Variants in DCC observed in about 807,000 individuals in gnomAD.
DCC encodes netrin receptor DCC.
A neutral mutation model predicts 172.5 loss-of-function variants in DCC; 58 were observed. The ratio of observed to expected loss-of-function variants is 0.34; its 90% CI spans 0.27 to 0.42. The LOEUF (loss-of-function observed/expected upper bound fraction) is 0.42, where lower values mean the gene tolerates loss of function less well. Ranked by LOEUF, DCC falls within the 10% of genes least tolerant of loss-of-function variation. The probability of loss-of-function intolerance (pLI) is 1.00; values close to 1 mark genes in which losing one functional copy is unlikely to be tolerated. For missense variants in DCC, 1,740 were observed against 1,791.0 expected, an observed-to-expected ratio of 0.97 and a Z score of 0.51; for synonymous variants, 709 against 644.5, an observed-to-expected ratio of 1.10 and a Z score of -1.52.
chr18:52,841,537 G>A (rs116751102), intron 2 of DCC, among the ~76,000 whole-genome samples: 2 of 152,160 alleles, frequency 1.3e-5, no homozygotes, highest in African/African-American at 4.8e-5. Flanking sequence ...ATTGCCATCT[G>A]CTGAGAAGTG....
At chr18:52,525,737 G>A (rs1471966029) in intron 1 of DCC, among the ~76,000 whole-genome samples, 1 of 152,142 alleles carries the variant, frequency 6.6e-6, no homozygotes, top group Non-Finnish European at 1.5e-5. Flanking sequence ...GATAGTTATT[G>A]TCATAGACAG....
At chr18:52,345,919 C>G (rs754594427) in intron 1 of DCC, among the ~76,000 whole-genome samples, 15 of 152,122 alleles carry the variant, frequency 9.9e-5, no homozygotes, top group Non-Finnish European at 2.1e-4. Flanking sequence ...GGAGTGAGCT[C>G]TATAAGATAA....
intron 5 of DCC, among the ~76,000 whole-genome samples, chr18:53,009,818 C>T (rs62097940): frequency 2.0e-5 from 3 of 151,770 alleles, no homozygotes; most frequent in South Asian, 4.1e-4. Context: ...ATATGCTTCC[C>T]CTGCAGGCTA....
At chr18:53,003,789 A>G (rs1331313443) in intron 5 of DCC, among the ~76,000 whole-genome samples, 2 of 152,140 alleles carry the variant, frequency 1.3e-5, no homozygotes, top group Non-Finnish European at 2.9e-5. Context: ...GACATACCAT[A>G]CACAGAGACG....
chr18:53,084,612 C>T (rs913680584), intron 7 of DCC, among the ~76,000 whole-genome samples: 12 of 152,130 alleles, frequency 7.9e-5, no homozygotes, highest in African/African-American at 2.9e-4. Context: ...GCTTTGAAGA[C>T]AGAGCAAGGG....
chr18:53,492,318 C>T (rs1374104003), intron 26 of DCC, among the ~76,000 whole-genome samples: 1 of 152,060 alleles, frequency 6.6e-6, no homozygotes, highest in African/African-American at 2.4e-5. Flanking sequence ...AATTAGATCC[C>T]TTTTGTCAGT....
At chr18:52,770,632 G>C (rs2037325677) in intron 2 of DCC, among the ~76,000 whole-genome samples, 1 of 152,142 alleles carries the variant, frequency 6.6e-6, no homozygotes, top group African/African-American at 2.4e-5. Flanking sequence ...GGAATCATCA[G>C]AACTGCAGAG....
intron 20 of DCC, among the ~76,000 whole-genome samples, chr18:53,411,299 A>AAATAATTTGAAACATTCAAATGATTAC (rs1909975353): frequency 6.6e-6 from 1 of 152,156 alleles, no homozygotes; most frequent in Non-Finnish European, 1.5e-5. Context: ...TAACAATTGA[A>AAATAATTTGAAACATTCAAATGATTAC]AATAATTTGA....
intron 2 of DCC, among the ~76,000 whole-genome samples, chr18:52,845,398 G>T (rs1345055738): frequency 4.6e-5 from 7 of 152,186 alleles, no homozygotes; most frequent in Admixed American, 4.6e-4. Context: ...CTCGATCAAA[G>T]AGAAAAAGCC....
intron 7 of DCC, among the ~76,000 whole-genome samples, chr18:53,085,913 A>G (rs938944983): frequency 1.3e-5 from 2 of 150,514 alleles, no homozygotes; most frequent in African/African-American, 4.9e-5. Flanking sequence ...TGTTTCTTAC[A>G]TAAAATCCAG....
chr18:52,986,859 A>G (rs9956591), intron 5 of DCC, among the ~76,000 whole-genome samples: 44 of 133,378 alleles, frequency 3.3e-4, no homozygotes, highest in African/African-American at 1.2e-3. Flanking sequence ...CACACACACA[A>G]ACAGACATAT....
chr18:52,576,694 G>T (rs1183945490), intron 1 of DCC, among the ~76,000 whole-genome samples: 1 of 152,042 alleles, frequency 6.6e-6, no homozygotes, highest in African/African-American at 2.4e-5. Context: ...GCCGGGCATG[G>T]TGGTGGGCGC....
intron 12 of DCC, among the ~76,000 whole-genome samples, chr18:53,295,026 TAA>T (rs2057049552): frequency 6.6e-6 from 1 of 152,336 alleles, no homozygotes; most frequent in South Asian, 2.1e-4. Context: ...TGCTTCAATT[TAA>T]GACATCTCCA....
At chr18:53,092,812 C>T (rs2043033278) in intron 7 of DCC, among the ~76,000 whole-genome samples, 1 of 152,028 alleles carries the variant, frequency 6.6e-6, no homozygotes, top group African/African-American at 2.4e-5. Flanking sequence ...CATCACAGAC[C>T]CTGATGTATC....
intron 3 of DCC, among the ~76,000 whole-genome samples, chr18:52,913,841 A>C (rs2040003570): frequency 6.6e-6 from 1 of 152,086 alleles, no homozygotes. Context: ...ATCCAGACTT[A>C]TAACCCATGA....
intron 15 of DCC, among the ~76,000 whole-genome samples, chr18:53,361,905 C>T (rs930664795): frequency 3.3e-5 from 5 of 151,924 alleles, no homozygotes; most frequent in African/African-American, 1.2e-4. Context: ...TAATCTAGTT[C>T]GCAAGGCTTG....
intron 12 of DCC, among the ~76,000 whole-genome samples, chr18:53,252,560 C>T (rs2144660954): frequency 6.6e-6 from 1 of 152,024 alleles, no homozygotes; most frequent in Non-Finnish European, 1.5e-5. Flanking sequence ...TTCAAACATT[C>T]CATGAGAAAT....
intron 7 of DCC, among the ~76,000 whole-genome samples, chr18:53,140,367 C>T (rs1416708521): frequency 6.6e-6 from 1 of 152,058 alleles, no homozygotes; most frequent in Admixed American, 6.6e-5. Flanking sequence ...AATTATCTTG[C>T]CATATTTTAG....
At chr18:53,496,923 A>C (rs1233197429) in intron 26 of DCC, among the ~76,000 whole-genome samples, 1 of 152,196 alleles carries the variant, frequency 6.6e-6, no homozygotes, top group Non-Finnish European at 1.5e-5. Flanking sequence ...GAAAAGGAAA[A>C]ATTGAAAGAA....
Sources: allele counts gnomAD v4.1 joint callset (sites outside exome capture counted in the v4.1 genomes callset), GRCh38; gene constraint gnomAD v4.1.1; transcripts MANE v1.5; gene names NCBI Gene and HGNC (gene_info 2026-07-23, HGNC 2026-07-21).